RFX8: variants seen among roughly 807,000 people sequenced by gnomAD.
RFX8 encodes DNA-binding protein RFX8.
In RFX8, 46 loss-of-function variants were observed where a neutral mutation model predicts 54.6. The observed-to-expected ratio is 0.84, with a 90% CI of 0.67 to 1.08. The LOEUF (loss-of-function observed/expected upper bound fraction) is 1.08. Among genes scored for constraint, RFX8 ranks in the 50% least tolerant of loss-of-function variants. The pLI is 0.00. For synonymous variants in RFX8, 192 were observed against 209.5 expected (o/e 0.92, Z 0.72); for missense variants, 536 against 562.3 (o/e 0.95, Z 0.47).
chr2:101,425,498 A>G (rs1236523131), intron 2 of RFX8, among the ~76,000 whole-genome samples: 2 of 152,224 alleles, frequency 1.3e-5, no homozygotes, highest in African/African-American at 2.4e-5. Flanking sequence ...ACCATGGCAC[A>G]TACAACACAG....
chr2:101,418,719 G>A, intron 5 of RFX8, 132 bp downstream of exon 5: 1 of 682,472 alleles, frequency 1.5e-6, no homozygotes, highest in South Asian at 1.6e-5. Flanking sequence ...AGGGCTCCTG[G>A]TCCATACACC....
chr2:101,417,354 G>A (rs1686585352), intron 6 of RFX8, among the ~76,000 whole-genome samples, 180 bp downstream of exon 6: 1 of 147,618 alleles, frequency 6.8e-6, no homozygotes, highest in Non-Finnish European at 1.5e-5. Context: ...ACAGGTGTGT[G>A]CCACCACACT....
chr2:101,419,921 G>C (rs908730112), intron 4 of RFX8, among the ~76,000 whole-genome samples: 2 of 152,234 alleles, frequency 1.3e-5, no homozygotes, highest in Non-Finnish European at 2.9e-5. Flanking sequence ...TCTGGGTGGA[G>C]CCACCACCAC....
intron 2 of RFX8, among the ~76,000 whole-genome samples, chr2:101,462,833 G>C (rs1056779335): frequency 2.6e-5 from 4 of 152,090 alleles, no homozygotes; most frequent in Non-Finnish European, 4.4e-5. Flanking sequence ...CTGTGTGTCT[G>C]TCTATCTACC....
chr2:101,461,262 C>CAAAAAAAAAAAAAAAAAAAAAA (rs11350961), intron 2 of RFX8, among the ~76,000 whole-genome samples: 1 of 89,910 alleles, frequency 1.1e-5, no homozygotes, highest in African/African-American at 4.2e-5. Context: ...GACTCCATCT[C>CAAAAAAAAAAAAAAAAAAAAAA]AAAAAAAAAA....
chr2:101,433,748 T>C (rs1687619547), intron 2 of RFX8, among the ~76,000 whole-genome samples: 1 of 152,174 alleles, frequency 6.6e-6, no homozygotes, highest in Non-Finnish European at 1.5e-5. Context: ...AAAAATGTAA[T>C]AAAACCTAAT....
At chr2:101,415,616 T>C (rs570684544) in intron 6 of RFX8, among the ~76,000 whole-genome samples, 17 of 14,700 alleles carry the variant, frequency 1.2e-3, no homozygotes, top group African/African-American at 1.8e-3. Flanking sequence ...GTTCTCCTCT[T>C]GAACGCATTC....
chr2:101,410,583 AC>A (rs1558842399), intron 9 of RFX8, 35 bp downstream of exon 9: 1 of 1,106,926 alleles, frequency 9.0e-7, no homozygotes, highest in Admixed American at 2.2e-5. Flanking sequence ...AGAATGGTCA[AC>A]ACACTTTTTT....
At chr2:101,419,658 C>A (rs1026778648) in intron 4 of RFX8, among the ~76,000 whole-genome samples, 2 of 152,216 alleles carry the variant, frequency 1.3e-5, no homozygotes, top group African/African-American at 4.8e-5. Context: ...CTTGTCGTAT[C>A]TCCCCTGGTC....
chr2:101,474,221 G>T lies in RFX8; in HGVS notation c.-53+415C>A, dbSNP rs369925636. The T allele has an allele frequency of 4.9e-3, 3,063 of 626,198 alleles. 61 individuals are homozygous for T. The highest frequency in any genetic ancestry group is 0.034 in the South Asian group (2,015 of 59,356). 38.8% of individuals were successfully genotyped at this position (626,198 alleles called of 1,614,324 possible). On this transcript the variant is annotated intron_variant, in intron 1 of 11. Transcript: ENST00000428343. ...GCTCACCACTGGATGACGCCGCTGT[G>T]CGGGCCCCGGCTACCCTCGCCGCTC...
At chr2:101,467,030 A>T in intron 1 of RFX8, 130 bp from the exon 2 acceptor site, 1 of 625,184 alleles carries the variant, frequency 1.6e-6, no homozygotes, top group Non-Finnish European at 2.9e-6. Flanking sequence ...TATTGGATGA[A>T]TCCCTGCGAA....
In RFX8 at chr2:101,452,309, T is replaced by C. The variant is rs1013281452; in HGVS notation, c.72+14468A>G. ...TATTTATAGTTTGTTTTGTTTTGCATTTTTTATCATTCATTTTGTGATTTT... is the reference window on the plus strand; with the variant it reads ...TATTTATAGTTTGTTTTGTTTTGCACTTTTTATCATTCATTTTGTGATTTT... On this transcript the variant is annotated intron_variant, in intron 2 of 11. Coordinates refer to ENST00000428343, the MANE Select transcript of RFX8 (RefSeq NM_001145664.2). 16 of 825,386 alleles carry C rather than the reference T, an allele frequency of 1.9e-5. No individual in the cohort carries two copies. In the East Asian group the frequency reaches 4.7e-4, roughly 24 times the overall value. The allele number at this position is 825,386 out of a possible 1,614,324, so 51.1% of individuals were successfully genotyped here.
At chr2:101,430,240 G>A (rs1687409682) in intron 2 of RFX8, among the ~76,000 whole-genome samples, 1 of 152,210 alleles carries the variant, frequency 6.6e-6, no homozygotes, top group Non-Finnish European at 1.5e-5. Context: ...CACATAGGGT[G>A]ATGGGCAATG....
chr2:101,448,739 C>G (rs879278348), intron 2 of RFX8, among the ~76,000 whole-genome samples: 1 of 152,178 alleles, frequency 6.6e-6, no homozygotes, highest in Non-Finnish European at 1.5e-5. Context: ...TGCTTTATAC[C>G]AAAGGTGACC....
chr2:101,474,010 C>G lies in RFX8; in HGVS notation c.-53+626G>C, dbSNP rs796539278. On this transcript the variant is annotated intron_variant, in intron 1 of 11. Transcript: ENST00000428343. ...CCCCATCGCCGATTCGGGCCCGGGG[C>G]TTTTACGCGTGTGCGTGCATGGCAG... Among the ~76,000 whole-genome samples the G allele has an allele frequency of 4.3e-4, 65 of 152,316 alleles. 1 individual carries two copies. Among genetic ancestry groups the G allele is most frequent in the African/African-American group, 1.4e-3 (57 of 41,592 alleles).
chr2:101,436,089 G>A (rs183241531), intron 2 of RFX8, among the ~76,000 whole-genome samples: 68 of 152,258 alleles, frequency 4.5e-4, no homozygotes, highest in African/African-American at 1.5e-3. Context: ...CCCCTCCCCA[G>A]CAGACGGGTG....
At chr2:101,467,815 G>A (rs1689661836) in intron 1 of RFX8, among the ~76,000 whole-genome samples, 1 of 151,910 alleles carries the variant, frequency 6.6e-6, no homozygotes, top group South Asian at 2.1e-4. Context: ...GAAAGTGTCC[G>A]TAGTGACATC....
Position 101,410,677 on chromosome 2 carries a change from G to A in RFX8, c.755C>T (p.Thr252Ile). ...RNLISLLGTS[T>I]DLRVFLSCLS... ...ACAGCTGAGGAATACCCTGAGATCT[G>A]TTGATGTTCCCAGCAAAGAAATTAA... Residue 252 changes from threonine to isoleucine, a missense_variant, in exon 9 of 12, where the codon ACA (threonine) becomes ATA (isoleucine). Coordinates refer to ENST00000428343, the MANE Select transcript of RFX8 (RefSeq NM_001145664.2). The A allele has an allele frequency of 1.3e-6, 2 of 1,545,350 alleles. No individual in the cohort carries two copies. Among genetic ancestry groups the A allele is most frequent in the Non-Finnish European group, 8.8e-7 (1 of 1,141,416 alleles).
intron 1 of RFX8, among the ~76,000 whole-genome samples, chr2:101,470,424 G>A (rs946010434): frequency 6.6e-6 from 1 of 152,152 alleles, no homozygotes; most frequent in Non-Finnish European, 1.5e-5. Context: ...CAGAACTGCC[G>A]GCAGGTGACA....
Sources: gnomAD v4.1 joint callset for allele counts (sites outside exome capture counted in the v4.1 genomes callset) on GRCh38, gnomAD v4.1.1 for gene constraint, MANE v1.5 for transcripts, NCBI Gene and HGNC (gene_info 2026-07-23, HGNC 2026-07-21) for gene names.